Variants in AUTS2 observed in about 807,000 individuals in gnomAD.
AUTS2 encodes activator of transcription and developmental regulator AUTS2, also known as autism susceptibility gene 2 protein.
A neutral mutation model predicts 112.4 loss-of-function variants in AUTS2; 17 were observed. The observed-to-expected ratio is 0.15, with a 90% CI of 0.10 to 0.23. The LOEUF is 0.23. Among genes scored for constraint, AUTS2 ranks in the 10% least tolerant of loss-of-function variants. The pLI is 1.00. For synonymous variants in AUTS2, 751 were observed against 702.7 expected (o/e 1.07, Z -1.09); for missense variants, 1,510 against 1,701.6 (o/e 0.89, Z 1.98).
rs1189205999 is a variant in AUTS2 at position 70,435,744 on chromosome 7, AT to A, written c.661-4del. The A allele has an allele frequency of 3.1e-6, 5 of 1,613,898 alleles. No individual in the cohort carries two copies. The African/African-American group carries it at 6.7e-5, about 22-fold the overall frequency. On this transcript the variant is annotated splice_polypyrimidine_tract_variant and splice_region_variant and intron_variant, in intron 4 of 18. Coordinates refer to ENST00000342771, the MANE Select transcript of AUTS2 (RefSeq NM_015570.4). Reference sequence around the variant, plus strand: ...CACTAACCCTTATTCTCTTGTCTTCATTTTCAGTGTGACAGTGACAGTGACC... The same window carrying A: ...CACTAACCCTTATTCTCTTGTCTTCATTTCAGTGTGACAGTGACAGTGACC...
At chr7:70,521,609 T>C (rs999578020) in intron 5 of AUTS2, among the ~76,000 whole-genome samples, 2 of 152,242 alleles carry the variant, frequency 1.3e-5, no homozygotes, top group African/African-American at 4.8e-5. Flanking sequence ...TATTTCTTAC[T>C]AATCACTTTA....
Position 69,935,540 on chromosome 7 carries a change from C to T in AUTS2, c.522+36042C>T, listed in dbSNP as rs1796376635. Among the ~76,000 whole-genome samples the T allele has an allele frequency of 2.6e-5, 4 of 151,952 alleles. 1 individual carries two copies. In the South Asian group the frequency reaches 8.3e-4, roughly 32 times the overall value. ...AGCATGGAGAGGTTTTAGATGTGAC[C>T]ATTAGTTCAGATAGAGTAGTGAAGG... On this transcript the variant is annotated intron_variant, in intron 2 of 18. Transcript: ENST00000342771.
intron 5 of AUTS2, among the ~76,000 whole-genome samples, chr7:70,505,944 C>G (rs1798942230): frequency 6.6e-6 from 1 of 152,182 alleles, no homozygotes; most frequent in Non-Finnish European, 1.5e-5. Context: ...AGGTTAATTA[C>G]CCACCCCTTC....
At chr7:70,515,188 G>A (rs1480413541) in intron 5 of AUTS2, among the ~76,000 whole-genome samples, 2 of 152,040 alleles carry the variant, frequency 1.3e-5, no homozygotes, top group Admixed American at 1.3e-4. Context: ...AGCCGTTGAG[G>A]GTTATTAAAA....
intron 5 of AUTS2, among the ~76,000 whole-genome samples, chr7:70,440,221 G>A (rs1796069262): frequency 7.6e-6 from 1 of 131,344 alleles, no homozygotes; most frequent in Non-Finnish European, 1.6e-5. Flanking sequence ...GTGAGGCCCT[G>A]TCTCTAAAAA....
chr7:70,060,997 C>CTGTCTCTTGG (rs1802220181), intron 2 of AUTS2, among the ~76,000 whole-genome samples: 1 of 152,196 alleles, frequency 6.6e-6, no homozygotes, highest in South Asian at 2.1e-4. Flanking sequence ...GACCCTAGGC[C>CTGTCTCTTGG]TGTCTCTTGG....
intron 5 of AUTS2, among the ~76,000 whole-genome samples, chr7:70,463,605 T>C (rs988050923): frequency 6.6e-6 from 1 of 152,242 alleles, no homozygotes; most frequent in African/African-American, 2.4e-5. Flanking sequence ...AGAACCGCAC[T>C]TGTCAATCTT....
chr7:70,083,805 G>A (rs928630320), intron 2 of AUTS2, among the ~76,000 whole-genome samples: 1 of 152,046 alleles, frequency 6.6e-6, no homozygotes, highest in African/African-American at 2.4e-5. Context: ...AAATTAGCTG[G>A]GTATGTTGGT....
intron 4 of AUTS2, among the ~76,000 whole-genome samples, chr7:70,213,779 T>C (rs1811041281): frequency 6.6e-6 from 1 of 152,196 alleles, no homozygotes; most frequent in Non-Finnish European, 1.5e-5. Flanking sequence ...AGAAATAGCA[T>C]GGGCTTTAGA....
chr7:70,443,262 G>A (rs1168801152), intron 5 of AUTS2, among the ~76,000 whole-genome samples: 2 of 152,166 alleles, frequency 1.3e-5, no homozygotes, highest in African/African-American at 4.8e-5. Flanking sequence ...GGTTCTAGAT[G>A]TTCTATTGCT....
At chr7:69,600,090 G>GTCTGT in intron 1 of AUTS2, 128 bp downstream of exon 1, 1 of 1,011,118 alleles carries the variant, frequency 9.9e-7, no homozygotes, top group South Asian at 1.7e-5. Context: ...GTCTGTCTAG[G>GTCTGT]CTGAGGTCTT....
chr7:70,155,969 GGTTTT>G (rs536672458), intron 4 of AUTS2, among the ~76,000 whole-genome samples: 6 of 152,090 alleles, frequency 3.9e-5, no homozygotes, highest in Non-Finnish European at 5.9e-5. Context: ...GGATCCTGTT[GGTTTT>G]GTTTTGTTTT....
chr7:70,251,104 G>A (rs536036224), intron 4 of AUTS2, among the ~76,000 whole-genome samples: 1 of 151,436 alleles, frequency 6.6e-6, no homozygotes, highest in Non-Finnish European at 1.5e-5. Flanking sequence ...TCACTCTGTC[G>A]CTTGGGCTGG....
intron 2 of AUTS2, among the ~76,000 whole-genome samples, chr7:69,933,568 C>T (rs190791427): frequency 4.9e-4 from 74 of 152,190 alleles, no homozygotes; most frequent in African/African-American, 1.6e-3. Flanking sequence ...TGGTTCTGTT[C>T]GAAATAAGTA....
At chr7:70,310,548 G>A (rs1789697879) in intron 4 of AUTS2, among the ~76,000 whole-genome samples, 1 of 151,902 alleles carries the variant, frequency 6.6e-6, no homozygotes, top group Non-Finnish European at 1.5e-5. Flanking sequence ...AGGAGGCGGA[G>A]CTTGCAGTGA....
chr7:70,053,299 A>G (rs968201387), intron 2 of AUTS2, among the ~76,000 whole-genome samples: 1 of 152,136 alleles, frequency 6.6e-6, no homozygotes, highest in Admixed American at 6.5e-5. Flanking sequence ...AAAATCTAAA[A>G]CCAGATCTGA....
At chr7:70,556,519 G>A (rs1217502063) in intron 5 of AUTS2, among the ~76,000 whole-genome samples, 5 of 152,150 alleles carry the variant, frequency 3.3e-5, no homozygotes, top group African/African-American at 1.2e-4. Context: ...AAGTCTTCGA[G>A]GCTTTAGTTA....
At chr7:70,727,877 T>C (rs1398317510) in intron 6 of AUTS2, among the ~76,000 whole-genome samples, 2 of 152,200 alleles carry the variant, frequency 1.3e-5, no homozygotes, top group East Asian at 1.9e-4. Context: ...ATAAGTGTGA[T>C]TGGACAAAGG....
chr7:69,951,476 A>T (rs1797023955), intron 2 of AUTS2, among the ~76,000 whole-genome samples: 2 of 152,158 alleles, frequency 1.3e-5, no homozygotes, highest in African/African-American at 4.8e-5. Context: ...ACCATGGAAA[A>T]CTGAGGGTGG....
Sources: allele counts gnomAD v4.1 joint callset (sites outside exome capture counted in the v4.1 genomes callset), GRCh38; gene constraint gnomAD v4.1.1; transcripts MANE v1.5; gene names NCBI Gene and HGNC (gene_info 2026-07-23, HGNC 2026-07-21).